Variants in FOXN3 observed in about 807,000 individuals in gnomAD.
FOXN3 encodes forkhead box protein N3.
In FOXN3, 7 loss-of-function variants were observed where a neutral mutation model predicts 38.4. The ratio of observed to expected loss-of-function variants is 0.18; its 90% CI spans 0.10 to 0.34. The LOEUF is 0.34. FOXN3 is among the 10% of genes least tolerant of loss of function. The probability of loss-of-function intolerance (pLI) is 1.00; values close to 1 mark genes in which losing one functional copy is unlikely to be tolerated. For missense variants in FOXN3, 456 were observed against 613.4 expected (o/e 0.74, Z 2.71); for synonymous variants, 230 against 242.2 (o/e 0.95, Z 0.47).
chr14:89,284,491 T>A (rs1477764362), intron 3 of FOXN3: 2 of 456,068 alleles, frequency 4.4e-6, no homozygotes, highest in East Asian at 1.4e-4. Flanking sequence ...CCTCTTCTGC[T>A]CTTCCAGCAC....
intron 2 of FOXN3, among the ~76,000 whole-genome samples, chr14:89,369,253 C>A (rs1301714711): frequency 6.6e-6 from 1 of 152,186 alleles, no homozygotes; most frequent in Non-Finnish European, 1.5e-5. Flanking sequence ...CATTATACTG[C>A]TGAGTCACCT....
At chr14:89,431,254 G>C (rs920820756) in intron 1 of FOXN3, among the ~76,000 whole-genome samples, 2 of 152,086 alleles carry the variant, frequency 1.3e-5, no homozygotes, top group African/African-American at 4.8e-5. Context: ...TGGATGGAGT[G>C]CAGTGTTGTG....
At chr14:89,202,348 A>G (rs1475913614) in intron 4 of FOXN3, among the ~76,000 whole-genome samples, 1 of 152,190 alleles carries the variant, frequency 6.6e-6, no homozygotes, top group African/African-American at 2.4e-5. Context: ...TTCTGGGTAG[A>G]CTTCTACCAT....
chr14:89,186,757 A>G (rs868614695), intron 4 of FOXN3, among the ~76,000 whole-genome samples: 1 of 152,332 alleles, frequency 6.6e-6, no homozygotes, highest in South Asian at 2.1e-4. Context: ...TGCCAGGAGG[A>G]CAAAATGTTG....
At chr14:89,559,182 T>C (rs1048390385) in intron 1 of FOXN3, among the ~76,000 whole-genome samples, 2 of 140,800 alleles carry the variant, frequency 1.4e-5, no homozygotes, top group East Asian at 2.4e-4. Flanking sequence ...CTGGGCAATA[T>C]AGTGAGACCG....
chr14:89,398,521 T>G (rs1891157780), intron 2 of FOXN3, among the ~76,000 whole-genome samples: 1 of 151,986 alleles, frequency 6.6e-6, no homozygotes, highest in Admixed American at 6.6e-5. Context: ...TTTATAAACT[T>G]GGAATGAAAG....
intron 1 of FOXN3, among the ~76,000 whole-genome samples, chr14:89,475,246 A>G (rs1180146773): frequency 6.6e-6 from 1 of 152,252 alleles, no homozygotes; most frequent in Non-Finnish European, 1.5e-5. Context: ...GAATAGACCT[A>G]TATATAAAAC....
chr14:89,556,174 C>T (rs375174465), intron 1 of FOXN3, among the ~76,000 whole-genome samples: 15 of 151,894 alleles, frequency 9.9e-5, no homozygotes, highest in African/African-American at 2.9e-4. Context: ...GAGGCTGGGG[C>T]GGGGGGATCA....
intron 1 of FOXN3, among the ~76,000 whole-genome samples, chr14:89,464,037 A>AC (rs1203222713): frequency 6.9e-6 from 1 of 145,748 alleles, no homozygotes; most frequent in Non-Finnish European, 1.5e-5. Context: ...ACATGCCTCG[A>AC]CCCCCCAAAG....
chr14:89,488,875 A>T (rs1052246661), intron 1 of FOXN3, among the ~76,000 whole-genome samples: 5 of 152,214 alleles, frequency 3.3e-5, no homozygotes, highest in Admixed American at 1.3e-4. Flanking sequence ...TAGCTTTAAA[A>T]AAACACTGTC....
rs779411107 is a variant in FOXN3, at chr14:89,280,944, A to AC, written c.745+5dup. ...GGGAGAGGAAGGGGTGTTACTAGGG[A>AC]CCTACCTTGGAGAAGGGCTCCATTT... On this transcript the variant is annotated splice_donor_region_variant and intron_variant, in intron 4 of 5. Transcript: ENST00000557258. 19 of 1,612,922 alleles carry AC rather than the reference A, an allele frequency of 1.2e-5. No individual in the cohort carries two copies. The East Asian group carries it at 4.2e-4, about 36-fold the overall frequency.
At chr14:89,333,966 G>GTATATATATA (rs71130055) in intron 3 of FOXN3, among the ~76,000 whole-genome samples, 19 of 131,554 alleles carry the variant, frequency 1.4e-4, no homozygotes, top group African/African-American at 4.4e-4. Context: ...AATGTGGTGT[G>GTATATATATA]TATATATATA....
intron 2 of FOXN3, among the ~76,000 whole-genome samples, chr14:89,363,948 A>ATATATATATATATAT (rs1491220490): frequency 4.6e-3 from 10 of 2,168 alleles, no homozygotes; most frequent in African/African-American, 5.2e-3. Context: ...TGTCTGTAAA[A>ATATATATATATATAT]TATATATATA....
chr14:89,458,299 T>A (rs1269640088), intron 1 of FOXN3, among the ~76,000 whole-genome samples: 1 of 152,214 alleles, frequency 6.6e-6, no homozygotes, highest in Non-Finnish European at 1.5e-5. Context: ...CTCTGGGCCT[T>A]GCAGGCTCGG....
chr14:89,303,651 A>G (rs760486685), intron 3 of FOXN3, among the ~76,000 whole-genome samples: 2 of 152,208 alleles, frequency 1.3e-5, no homozygotes, highest in African/African-American at 2.4e-5. Flanking sequence ...CTTCATTGCC[A>G]TGATGCTTAC....
At chr14:89,240,741 C>T (rs534418590) in intron 4 of FOXN3, among the ~76,000 whole-genome samples, 104 of 152,272 alleles carry the variant, frequency 6.8e-4, no homozygotes, top group African/African-American at 2.3e-3. Flanking sequence ...AAGAGAATGC[C>T]GTACTTTTCA....
chr14:89,289,056 C>A (rs1356245945), intron 3 of FOXN3, among the ~76,000 whole-genome samples: 5 of 151,138 alleles, frequency 3.3e-5, no homozygotes, highest in African/African-American at 1.2e-4. Flanking sequence ...GTGGTGGGCG[C>A]CTATAACCCT....
At chr14:89,382,969 G>A (rs1323991623) in intron 2 of FOXN3, among the ~76,000 whole-genome samples, 1 of 149,608 alleles carries the variant, frequency 6.7e-6, no homozygotes, top group Non-Finnish European at 1.5e-5. Context: ...CCATTCCCTC[G>A]ATACTCTATT....
intron 2 of FOXN3, among the ~76,000 whole-genome samples, chr14:89,381,940 C>A (rs563939785): frequency 2.6e-5 from 4 of 152,066 alleles, no homozygotes; most frequent in Middle Eastern, 3.2e-3. Context: ...CTCAACTACT[C>A]CTAAGCTTGA....
Sources: allele counts gnomAD v4.1 joint callset (sites outside exome capture counted in the v4.1 genomes callset), GRCh38; gene constraint gnomAD v4.1.1; transcripts MANE v1.5; gene names NCBI Gene and HGNC (gene_info 2026-07-23, HGNC 2026-07-21).